Variants in NDST4 observed in about 807,000 individuals in gnomAD.
NDST4 encodes the protein N-deacetylase and N-sulfotransferase 4, also known as N-heparan sulfate sulfotransferase 4.
NDST4 carries 63 observed loss-of-function variants against 100.8 expected under a neutral mutation model. The ratio of observed to expected loss-of-function variants is 0.62; its 90% CI spans 0.51 to 0.77. NDST4 has a LOEUF of 0.77. NDST4 is among the 30% of genes least tolerant of loss of function. The pLI is 0.00. For synonymous variants in NDST4, 377 were observed against 361.8 expected (o/e 1.04, Z -0.48); for missense variants, 943 against 1,018.4 (o/e 0.93, Z 1.01).
intron 11 of NDST4, among the ~76,000 whole-genome samples, chr4:114,834,130 A>G (rs1723259286): frequency 6.6e-6 from 1 of 152,172 alleles, no homozygotes; most frequent in Non-Finnish European, 1.5e-5. Flanking sequence ...ATCTAATCTT[A>G]AACAAACAAG....
At chr4:115,110,353 G>C (rs1729920546) in intron 1 of NDST4, among the ~76,000 whole-genome samples, 1 of 151,918 alleles carries the variant, frequency 6.6e-6, no homozygotes, top group African/African-American at 2.4e-5. Flanking sequence ...GGCTGAAGGC[G>C]GTAGCATTGT....
intron 10 of NDST4, among the ~76,000 whole-genome samples, chr4:114,844,667 T>A (rs144118024): frequency 6.6e-6 from 1 of 152,260 alleles, no homozygotes; most frequent in South Asian, 2.1e-4. Context: ...TTATTTAATA[T>A]CTACACATTA....
intron 2 of NDST4, among the ~76,000 whole-genome samples, chr4:115,021,091 C>G (rs1398114321): frequency 1.3e-5 from 2 of 151,750 alleles, no homozygotes; most frequent in African/African-American, 4.8e-5. Flanking sequence ...AGTCATTATA[C>G]AAAAAAAGAT....
chr4:114,828,018 T>G, intron 13 of NDST4, 83 bp from the exon 14 acceptor site: 1 of 1,247,448 alleles, frequency 8.0e-7, no homozygotes, highest in Non-Finnish European at 1.1e-6. Flanking sequence ...TTAAGGAATA[T>G]ATCTACTACA....
At chr4:115,066,623 C>CA (rs1318910170) in intron 2 of NDST4, among the ~76,000 whole-genome samples, 2 of 152,192 alleles carry the variant, frequency 1.3e-5, no homozygotes, top group African/African-American at 4.8e-5. Context: ...TCTTTGTTTA[C>CA]ATGGAATATA....
chr4:114,870,753 A>C lies in NDST4; in HGVS notation c.1719+15T>G, dbSNP rs755642578. On this transcript the variant is annotated intron_variant, in intron 7 of 13. Transcript: ENST00000264363. Reference sequence around the variant, plus strand: ...TTTCTTTCCTTCCACCCCAAGAGAGAATGTTAAATGTTACCTGCCATAGAG... The same window carrying C: ...TTTCTTTCCTTCCACCCCAAGAGAGCATGTTAAATGTTACCTGCCATAGAG... The C allele has an allele frequency of 3.8e-6, 6 of 1,584,590 alleles. No individual in the cohort carries two copies. The South Asian group carries it at 6.9e-5, about 18-fold the overall frequency.
chr4:114,870,763 G>A lies in NDST4; in HGVS notation c.1719+5C>T, dbSNP rs370833830. ...TCCACCCCAAGAGAGAATGTTAAATGTTACCTGCCATAGAGGGTCTTTCTG... is the reference window on the plus strand; with the variant it reads ...TCCACCCCAAGAGAGAATGTTAAATATTACCTGCCATAGAGGGTCTTTCTG... On this transcript the variant is annotated splice_donor_5th_base_variant and intron_variant, in intron 7 of 13. Transcript: ENST00000264363. The A allele has an allele frequency of 9.4e-6, 15 of 1,592,642 alleles. No individual in the cohort carries two copies. The African/African-American group carries it at 1.8e-4, about 19-fold the overall frequency.
At chr4:114,950,007 G>C (rs937354477) in intron 4 of NDST4, among the ~76,000 whole-genome samples, 3 of 152,006 alleles carry the variant, frequency 2.0e-5, no homozygotes, top group Admixed American at 6.6e-5. Context: ...GATTATAGGA[G>C]AGCAATAAAT....
chr4:115,111,659 C>T (rs571814001), intron 1 of NDST4, among the ~76,000 whole-genome samples: 89 of 151,452 alleles, frequency 5.9e-4, no homozygotes, highest in African/African-American at 1.8e-3. Flanking sequence ...AAAAATAATG[C>T]CTGAGTTTCT....
chr4:114,929,041 T>TGTCCGTCCGTCCGTCCGTCCGTCC (rs1227310987), intron 6 of NDST4, among the ~76,000 whole-genome samples: 1 of 121,988 alleles, frequency 8.2e-6, no homozygotes, highest in African/African-American at 2.9e-5. Flanking sequence ...TCTGTCTGTC[T>TGTCCGTCCGTCCGTCCGTCCGTCC]GTCCGTCCGT....
At chr4:115,092,995 C>T (rs1220511926) in intron 1 of NDST4, among the ~76,000 whole-genome samples, 2 of 152,030 alleles carry the variant, frequency 1.3e-5, no homozygotes, top group Non-Finnish European at 2.9e-5. Flanking sequence ...AAAAGATATG[C>T]AGAAATTATT....
chr4:115,102,312 G>T (rs1729745985), intron 1 of NDST4, among the ~76,000 whole-genome samples: 1 of 152,094 alleles, frequency 6.6e-6, no homozygotes, highest in Non-Finnish European at 1.5e-5. Context: ...ACAAGTGAAT[G>T]AAACCAGAAT....
At chr4:114,983,463 C>T (rs567739779) in intron 2 of NDST4, among the ~76,000 whole-genome samples, 2 of 152,296 alleles carry the variant, frequency 1.3e-5, no homozygotes, top group Non-Finnish European at 2.9e-5. Context: ...GACTGCCCTG[C>T]TGGGTTTCAG....
At chr4:115,046,916 A>T (rs768839821) in intron 2 of NDST4, among the ~76,000 whole-genome samples, 2 of 151,904 alleles carry the variant, frequency 1.3e-5, no homozygotes, top group Admixed American at 6.5e-5. Context: ...CTTTTCATAT[A>T]TTTAAATATA....
chr4:114,918,559 AT>A (rs1448276170), intron 6 of NDST4, among the ~76,000 whole-genome samples: 2 of 42,930 alleles, frequency 4.7e-5, no homozygotes, highest in Admixed American at 1.8e-4. Flanking sequence ...ATAAAAATAA[AT>A]AAAAAAAAAA....
At chr4:114,954,315 T>G (rs1726087575) in intron 4 of NDST4, among the ~76,000 whole-genome samples, 1 of 152,156 alleles carries the variant, frequency 6.6e-6, no homozygotes, top group South Asian at 2.1e-4. Flanking sequence ...TTAATTTGAA[T>G]GCCCAGTCTA....
intron 4 of NDST4, among the ~76,000 whole-genome samples, chr4:114,953,477 C>G (rs1726066751): frequency 6.6e-6 from 1 of 152,054 alleles, no homozygotes; most frequent in African/African-American, 2.4e-5. Context: ...CTCAAAAACT[C>G]TAGGAACATA....
intron 4 of NDST4, among the ~76,000 whole-genome samples, chr4:114,946,179 G>A (rs991061759): frequency 6.6e-6 from 1 of 152,102 alleles, no homozygotes; most frequent in Admixed American, 6.6e-5. Context: ...GATTTGGCAC[G>A]TGCTTTGCTA....
chr4:114,877,063 AACACAC>A (rs113975512), intron 6 of NDST4, among the ~76,000 whole-genome samples: 3 of 145,726 alleles, frequency 2.1e-5, no homozygotes, highest in African/African-American at 5.0e-5. Context: ...AAGTGTTATT[AACACAC>A]ACACACACAC....
Sources: allele counts gnomAD v4.1 joint callset (sites outside exome capture counted in the v4.1 genomes callset), GRCh38; gene constraint gnomAD v4.1.1; transcripts MANE v1.5; gene names NCBI Gene and HGNC (gene_info 2026-07-23, HGNC 2026-07-21).